Variants in TTLL7 observed in about 807,000 individuals in gnomAD.
TTLL7 encodes tubulin polyglutamylase TTLL7.
Under a neutral mutation model 120.2 loss-of-function variants are expected in TTLL7, and 53 were observed. The observed-to-expected ratio is 0.44, with a 90% CI of 0.35 to 0.55. The LOEUF is 0.55. TTLL7 is among the 20% of genes least tolerant of loss of function. TTLL7 has a pLI of 0.00. For synonymous variants in TTLL7, 353 were observed against 351.7 expected (o/e 1.00, Z -0.04); for missense variants, 803 against 1,054.7 (o/e 0.76, Z 3.31).
intron 18 of TTLL7, among the ~76,000 whole-genome samples, chr1:83,893,177 C>T (rs531034410): frequency 6.6e-6 from 1 of 151,644 alleles, no homozygotes; most frequent in East Asian, 1.9e-4. Flanking sequence ...CTTAAAAACA[C>T]TAAATAATAC....
intron 1 of TTLL7, among the ~76,000 whole-genome samples, chr1:83,961,625 A>T (rs188662845): frequency 1.3e-5 from 2 of 152,272 alleles, no homozygotes; most frequent in African/African-American, 2.4e-5. Flanking sequence ...ATAAAGTTCA[A>T]AGCAAATAAC....
At chr1:83,992,551 A>C (rs1653096884) in intron 1 of TTLL7, among the ~76,000 whole-genome samples, 1 of 152,148 alleles carries the variant, frequency 6.6e-6, no homozygotes, top group Non-Finnish European at 1.5e-5. Flanking sequence ...ACAGGCAGCT[A>C]TAGACCAATT....
rs368898982 is a variant in TTLL7 at position 83,906,583 on chromosome 1, A to G, written c.1993-120T>C. 6.2e-6 allele frequency: 9 copies of G among 1,447,270 alleles called. No individual in the cohort carries two copies. In the South Asian group the frequency reaches 1.1e-4, roughly 18 times the overall value. The allele number at this position is 1,447,270 out of a possible 1,614,324, so 89.7% of individuals were successfully genotyped here. A position where few individuals can be genotyped will look rare whatever the true frequency, so the allele number is the denominator to read the frequency against. On this transcript the variant is annotated intron_variant, in intron 16 of 20. Coordinates refer to ENST00000260505, the MANE Select transcript of TTLL7 (RefSeq NM_024686.6). ...TTAACTGAAAACAATAACAATGAAA[A>G]AGGAAGAAAATTTTCTTTTACACTT...
intron 9 of TTLL7, among the ~76,000 whole-genome samples, chr1:83,932,207 TTTC>T (rs1430870992): frequency 6.6e-6 from 1 of 152,220 alleles, no homozygotes; most frequent in East Asian, 1.9e-4. Context: ...AAAGTCATTA[TTTC>T]CTACTATCCT....
At chr1:83,989,204 T>C (rs1159921885) in intron 1 of TTLL7, among the ~76,000 whole-genome samples, 2 of 152,176 alleles carry the variant, frequency 1.3e-5, no homozygotes, top group South Asian at 2.1e-4. Flanking sequence ...CCTATAAATT[T>C]TTTTGCTGCA....
intron 19 of TTLL7, among the ~76,000 whole-genome samples, chr1:83,883,777 A>G (rs1654728155): frequency 6.6e-6 from 1 of 152,030 alleles, no homozygotes; most frequent in South Asian, 2.1e-4. Flanking sequence ...TGCTGAAACA[A>G]TTGTTGACCT....
chr1:83,941,808 G>A (rs1012926565), intron 7 of TTLL7, among the ~76,000 whole-genome samples: 1 of 151,984 alleles, frequency 6.6e-6, no homozygotes, highest in South Asian at 2.1e-4. Flanking sequence ...AATATGTTAT[G>A]GCTGCACAAA....
chr1:83,922,664 G>GTCTATAGCATTCAGTTTAAAAGAA (rs1557650072), intron 10 of TTLL7, among the ~76,000 whole-genome samples: 3 of 140,510 alleles, frequency 2.1e-5, no homozygotes, highest in Non-Finnish European at 3.1e-5. Context: ...GTGAATGCAA[G>GTCTATAGCATTCAGTTTAAAAGAA]AAACTCAGCT....
chr1:83,942,436 A>G (rs779893476), intron 7 of TTLL7, 27 bp downstream of exon 7: 17 of 1,547,638 alleles, frequency 1.1e-5, no homozygotes, highest in Non-Finnish European at 1.5e-5. Flanking sequence ...ATGAATGAAA[A>G]GATAAGCTCT....
intron 9 of TTLL7, 36 bp downstream of exon 9, chr1:83,933,572 G>C (rs1425003021): frequency 6.2e-7 from 1 of 1,600,228 alleles, no homozygotes; most frequent in South Asian, 1.1e-5. Flanking sequence ...CGTAAGGACA[G>C]TGATAACTCT....
chr1:83,904,261 C>T, intron 17 of TTLL7, 102 bp from the exon 18 acceptor site: 1 of 799,078 alleles, frequency 1.3e-6, no homozygotes, highest in Non-Finnish European at 2.0e-6. Context: ...ACAAATAATG[C>T]CAACTTTCAT....
rs184728698 is a variant in TTLL7, at chr1:83,949,803, A to G, written c.279+62T>C. ...CAACATATTAAGAACCTATCTAAAAAAGTTATGTGGAATCCATATAACTTT... is the reference window on the plus strand; with the variant it reads ...CAACATATTAAGAACCTATCTAAAAGAGTTATGTGGAATCCATATAACTTT... On this transcript the variant is annotated intron_variant, in intron 4 of 20. Transcript: ENST00000260505. 3.2e-6 allele frequency: 5 copies of G among 1,584,726 alleles called. No individual in the cohort carries two copies. In the Admixed American group the frequency reaches 8.9e-5, roughly 28 times the overall value.
chr1:83,871,423 C>G lies in TTLL7; in HGVS notation c.2544-1341G>C, dbSNP rs114289074. ...TCCACATAAACAAATGCAAACAACA[C>G]TATTCAAAGTGTAAGTCCTAGTAAT... On this transcript the variant is annotated intron_variant, in intron 20 of 20. Coordinates refer to ENST00000260505, the MANE Select transcript of TTLL7 (RefSeq NM_024686.6). Among the ~76,000 whole-genome samples, 692 of 152,258 alleles carry G rather than the reference C, an allele frequency of 4.5e-3. 10 individuals carry two copies. Among genetic ancestry groups the G allele is most frequent in the African/African-American group, 0.016 (661 of 41,538 alleles).
intron 13 of TTLL7, 81 bp downstream of exon 13, chr1:83,919,618 G>T (rs1330853048): frequency 2.3e-6 from 3 of 1,278,488 alleles, no homozygotes; most frequent in Non-Finnish European, 3.1e-6. Flanking sequence ...GTTTTTATAT[G>T]TCGGACCAAG....
At position 83,896,522 on chromosome 1, in the gene TTLL7, C is replaced by T. The variant is rs372412553; in HGVS notation, c.2209-6041G>A. Among the ~76,000 whole-genome samples the T allele has an allele frequency of 4.3e-4, 65 of 152,172 alleles. 1 individual carries two copies. In the South Asian group the frequency reaches 0.013, roughly 30 times the overall value. ...GAAATAACATTAAAATCACTACATG[C>T]TGTACTAATGATGCATGCAGCAGCG... is the stretch of plus-strand genomic sequence containing the variant. On this transcript the variant is annotated intron_variant, in intron 18 of 20. Coordinates refer to ENST00000260505, the MANE Select transcript of TTLL7 (RefSeq NM_024686.6).
intron 1 of TTLL7, among the ~76,000 whole-genome samples, chr1:83,994,628 A>T (rs1653318809): frequency 6.6e-6 from 1 of 152,230 alleles, no homozygotes; most frequent in Non-Finnish European, 1.5e-5. Flanking sequence ...TGCATCTGAC[A>T]ATCACTGTTC....
intron 19 of TTLL7, among the ~76,000 whole-genome samples, chr1:83,888,752 A>G (rs1655185201): frequency 6.6e-6 from 1 of 151,972 alleles, no homozygotes; most frequent in African/African-American, 2.4e-5. Flanking sequence ...GAGTAATGAG[A>G]AGGAAGACTG....
chr1:83,892,740 G>A (rs191888771), intron 18 of TTLL7, among the ~76,000 whole-genome samples: 1 of 150,684 alleles, frequency 6.6e-6, no homozygotes, highest in African/African-American at 2.4e-5. Flanking sequence ...ACATATATAT[G>A]AGCGCATATG....
At chr1:83,949,655 T>G (rs1028038558) in intron 4 of TTLL7, 1 of 512,428 alleles carries the variant, frequency 2.0e-6, no homozygotes, top group Non-Finnish European at 3.3e-6. Context: ...GATTCTTCCC[T>G]AAAGATAGAA....
Sources: gnomAD v4.1 joint callset for allele counts (sites outside exome capture counted in the v4.1 genomes callset) on GRCh38, gnomAD v4.1.1 for gene constraint, MANE v1.5 for transcripts, NCBI Gene and HGNC (gene_info 2026-07-23, HGNC 2026-07-21) for gene names.